Variants in IGSF21 observed in about 807,000 individuals in gnomAD.
The protein encoded by IGSF21 is immunoglobin superfamily member 21.
A neutral mutation model predicts 46.8 loss-of-function variants in IGSF21; 28 were observed. That is an observed-to-expected ratio of 0.60 (90% CI 0.44 to 0.82). IGSF21 has a LOEUF of 0.82. Ranked by LOEUF, IGSF21 falls within the 40% of genes least tolerant of loss-of-function variation. The pLI is 0.00. For synonymous variants in IGSF21, 284 were observed against 273.6 expected, an observed-to-expected ratio of 1.04 and a Z score of -0.38; for missense variants, 624 against 665.5, an observed-to-expected ratio of 0.94 and a Z score of 0.69.
chr1:18,186,596 A>G (rs573979258), intron 1 of IGSF21, among the ~76,000 whole-genome samples: 1 of 152,246 alleles, frequency 6.6e-6, no homozygotes, highest in African/African-American at 2.4e-5. Context: ...TCCTTTTAGA[A>G]TCCACTCTCC....
intron 2 of IGSF21, among the ~76,000 whole-genome samples, chr1:18,251,504 A>C (rs766605425): frequency 6.6e-6 from 1 of 152,132 alleles, no homozygotes; most frequent in Non-Finnish European, 1.5e-5. Context: ...CCATCCTCTC[A>C]ATATGCACAG....
intron 2 of IGSF21, among the ~76,000 whole-genome samples, chr1:18,265,796 C>T (rs1289997722): frequency 2.0e-5 from 3 of 152,250 alleles, no homozygotes; most frequent in Non-Finnish European, 2.9e-5. Flanking sequence ...AGAAAGAATG[C>T]ATTTCCTAGG....
At chr1:18,150,095 CA>C (rs1232674073) in intron 1 of IGSF21, among the ~76,000 whole-genome samples, 3 of 151,994 alleles carry the variant, frequency 2.0e-5, no homozygotes, top group Non-Finnish European at 4.4e-5. Flanking sequence ...CTCTGCAAAA[CA>C]AAAAATTAGC....
At chr1:18,235,220 G>A (rs993829864) in intron 2 of IGSF21, among the ~76,000 whole-genome samples, 1 of 152,218 alleles carries the variant, frequency 6.6e-6, no homozygotes, top group African/African-American at 2.4e-5. Flanking sequence ...GCATGTCATG[G>A]CGTTTGTGAA....
At position 18,335,096 on chromosome 1, in the gene IGSF21, C is replaced by G; in HGVS notation, c.424+86C>G. 9.9e-7 allele frequency: 1 copy of G among 1,010,488 alleles called. No homozygotes were observed. The highest frequency in any genetic ancestry group is 1.5e-6 in the Non-Finnish European group (1 of 646,126). The allele number at this position is 1,010,488 out of a possible 1,614,324, so 62.6% of individuals were successfully genotyped here. A position where few individuals can be genotyped will look rare whatever the true frequency, so the allele number is the denominator to read the frequency against. On this transcript the variant is annotated intron_variant, in intron 4 of 9. Coordinates refer to ENST00000251296, the MANE Select transcript of IGSF21 (RefSeq NM_032880.5). This position sits in a 1 kb window ranked among gnomAD's most constrained non-coding sequence, Gnocchi z 4.8. ...GTGAATGTGCGCACAGAGTGGCCAT[C>G]CTGGGGGCCATCCACCAGAAGTTCT... is the stretch of plus-strand genomic sequence containing the variant.
intron 2 of IGSF21, among the ~76,000 whole-genome samples, chr1:18,243,735 A>G (rs991256684): frequency 6.6e-6 from 1 of 152,196 alleles, no homozygotes; most frequent in Non-Finnish European, 1.5e-5. Context: ...AACAGGAGCC[A>G]GCCCACACCT....
At chr1:18,127,986 C>T (rs1426790737) in intron 1 of IGSF21, among the ~76,000 whole-genome samples, 1 of 152,116 alleles carries the variant, frequency 6.6e-6, no homozygotes, top group African/African-American at 2.4e-5. Flanking sequence ...TCACGGTGGG[C>T]TCCCTCACTA....
chr1:18,219,245 T>A (rs1307387291), intron 1 of IGSF21, among the ~76,000 whole-genome samples: 1 of 152,046 alleles, frequency 6.6e-6, no homozygotes, highest in Non-Finnish European at 1.5e-5. Context: ...TCCAAAGTGG[T>A]GACATTTGAG....
At chr1:18,249,538 G>A (rs2084816912) in intron 2 of IGSF21, among the ~76,000 whole-genome samples, 1 of 152,134 alleles carries the variant, frequency 6.6e-6, no homozygotes, top group Admixed American at 6.5e-5. Flanking sequence ...ATTGGGGGCA[G>A]CCTCTCTGGG....
chr1:18,267,286 G>A (rs921667616), intron 2 of IGSF21, among the ~76,000 whole-genome samples: 2 of 152,218 alleles, frequency 1.3e-5, no homozygotes, highest in African/African-American at 4.8e-5. Context: ...GCGTTTTGGA[G>A]GTGGTGAGGT....
Position 18,284,722 on chromosome 1 carries a change from A to T in IGSF21, c.184-7144A>T, listed in dbSNP as rs549360512. Among the ~76,000 whole-genome samples, 3 of 152,284 alleles carry T rather than the reference A, an allele frequency of 2.0e-5. No homozygotes were observed. The South Asian group carries it at 6.2e-4, about 32-fold the overall frequency. ...CCCTCATTGTCTCTTGCATTATCTAATTTAATGCCCTTTTCCCCTAACTAC... is the reference window on the plus strand; with the variant it reads ...CCCTCATTGTCTCTTGCATTATCTATTTTAATGCCCTTTTCCCCTAACTAC... On this transcript the variant is annotated intron_variant, in intron 2 of 9. Transcript: ENST00000251296.
At chr1:18,320,587 CG>C (rs1362105798) in intron 3 of IGSF21, among the ~76,000 whole-genome samples, 2 of 152,220 alleles carry the variant, frequency 1.3e-5, no homozygotes, top group Non-Finnish European at 2.9e-5. Flanking sequence ...ACCACAGCTT[CG>C]CAAGGAATGC....
chr1:18,363,033 A>T (rs2086119050), intron 5 of IGSF21, among the ~76,000 whole-genome samples: 1 of 152,196 alleles, frequency 6.6e-6, no homozygotes, highest in South Asian at 2.1e-4. Flanking sequence ...GGTCTAAATG[A>T]TATACAGGGA....
At chr1:18,253,764 C>T (rs2084864628) in intron 2 of IGSF21, among the ~76,000 whole-genome samples, 1 of 152,198 alleles carries the variant, frequency 6.6e-6, no homozygotes, top group Admixed American at 6.5e-5. Context: ...CAACCCCGCA[C>T]AGTCACTGGG....
chr1:18,124,848 CAT>C (rs1438785014), intron 1 of IGSF21, among the ~76,000 whole-genome samples: 1 of 152,192 alleles, frequency 6.6e-6, no homozygotes, highest in Non-Finnish European at 1.5e-5. Context: ...ACAGAAGAGG[CAT>C]ATGCGATAGT....
chr1:18,204,358 C>T (rs2087105380), intron 1 of IGSF21, among the ~76,000 whole-genome samples: 1 of 152,186 alleles, frequency 6.6e-6, no homozygotes, highest in African/African-American at 2.4e-5. Flanking sequence ...TCAGCAGCTG[C>T]AGTAGTCATT....
chr1:18,270,128 C>T (rs1380750191), intron 2 of IGSF21, among the ~76,000 whole-genome samples: 2 of 152,166 alleles, frequency 1.3e-5, no homozygotes, highest in Non-Finnish European at 2.9e-5. Context: ...TGTTTTGCTC[C>T]CCATTCTGCC....
intron 3 of IGSF21, among the ~76,000 whole-genome samples, chr1:18,315,853 G>T (rs901317579): frequency 1.7e-4 from 25 of 151,098 alleles, no homozygotes; most frequent in Non-Finnish European, 3.7e-4. Context: ...GGGGTGAGTG[G>T]ATGGATAGCT....
chr1:18,232,783 C>A (rs1262850567), intron 2 of IGSF21, among the ~76,000 whole-genome samples: 1 of 152,214 alleles, frequency 6.6e-6, no homozygotes, highest in African/African-American at 2.4e-5. Context: ...GCTAAATTAA[C>A]AAATCATGGA....
Sources: gnomAD v4.1 joint callset for allele counts (sites outside exome capture counted in the v4.1 genomes callset) on GRCh38, gnomAD v4.1.1 for gene constraint, Gnocchi (gnomAD v3.1) non-coding constraint, MANE v1.5 for transcripts, NCBI Gene and HGNC (gene_info 2026-07-23, HGNC 2026-07-21) for gene names.